Variants in VPS33B observed in about 807,000 individuals in gnomAD.
VPS33B encodes vacuolar protein sorting-associated protein 33B.
VPS33B carries 80 observed loss-of-function variants against 95.3 expected under a neutral mutation model. That is an observed-to-expected ratio of 0.84 (90% confidence interval 0.70 to 1.01). The LOEUF (loss-of-function observed/expected upper bound fraction) is 1.01, where lower values mean the gene tolerates loss of function less well. Ranked by LOEUF, VPS33B falls within the 50% of genes least tolerant of loss-of-function variation. The pLI, the probability that VPS33B is intolerant of heterozygous loss-of-function variation, is 0.00. For missense variants in VPS33B, 715 were observed against 773.4 expected (o/e 0.92, Z 0.90); for synonymous variants, 280 against 280.4 (o/e 1.00, Z 0.01).
In VPS33B at chr15:91,003,103, C is replaced by T; in HGVS notation, c.1254G>A (p.Leu418=). ...NGLIPKDYRS[L]KTQYLQSYGP... is the part of the protein sequence containing the mutation. ...GCCTTACCTGCAGATACTGTGTTTTCAGAGATCGGTAATCCTTGGGGATCA... is the reference window on the plus strand; with the variant it reads ...GCCTTACCTGCAGATACTGTGTTTTTAGAGATCGGTAATCCTTGGGGATCA... The change falls in exon 17 of 23, where the codon CTG becomes CTA. Residue 418 remains leucine (L), a synonymous_variant. Coordinates refer to ENST00000333371, the MANE Select transcript of VPS33B (RefSeq NM_018668.5). 2 of 1,614,136 alleles carry T rather than the reference C, an allele frequency of 1.2e-6. No homozygotes were observed. The highest frequency in any genetic ancestry group is 1.7e-6 in the Non-Finnish European group (2 of 1,180,022).
At position 90,998,987 on chromosome 15, in the gene VPS33B, C is replaced by T; in HGVS notation, c.1842G>A (p.Glu614=). The change falls in exon 23 of 23, where the codon GAG becomes GAA. Residue 614 remains glutamate, a synonymous_variant. Transcript: ENST00000333371. This position sits in a 1 kb window ranked among gnomAD's most constrained non-coding sequence, Gnocchi z 4.8. ...GCCGGGAAAAACATCAGGCTTTCAC[C>T]TCACTCATGGCCTCCATAAGGCGAG... The part of the protein sequence containing the change: ...NSARLMEAMS[E]VKA 1 of 1,614,128 alleles carries T rather than the reference C, an allele frequency of 6.2e-7. No homozygotes were observed. The highest frequency in any genetic ancestry group is 1.1e-5 in the South Asian group (1 of 91,054).
At position 91,015,885 on chromosome 15, in the gene VPS33B, AT is replaced by A. The variant is rs888411926; in HGVS notation, c.239+1077del. ...TAAATATAAGAAAGTAATAGAAAAT[AT>A]TTTTTTTCAAACTGGGGTACATGGA... On this transcript the variant is annotated intron_variant, in intron 3 of 22. Transcript: ENST00000333371. This position sits in a 1 kb window ranked among gnomAD's most constrained non-coding sequence, Gnocchi z 4.7. Among the ~76,000 whole-genome samples, 5 of 151,782 alleles carry A rather than the reference AT, an allele frequency of 3.3e-5. No individual in the cohort carries two copies. Among genetic ancestry groups the A allele is most frequent in the Non-Finnish European group, 7.4e-5 (5 of 67,974 alleles).
chr15:91,017,416 A>G (rs2040972360), intron 2 of VPS33B, among the ~76,000 whole-genome samples: 1 of 108,260 alleles, frequency 9.2e-6, no homozygotes, highest in Non-Finnish European at 1.9e-5. Context: ...ATATATATAT[A>G]TATATATTCT....
In VPS33B at chr15:91,007,720, A is replaced by G. The variant is rs576631845; in HGVS notation, c.499-147T>C. On this transcript the variant is annotated intron_variant, in intron 7 of 22. Transcript: ENST00000333371. The surrounding 1 kb of genome is among the most constrained non-coding windows in gnomAD (Gnocchi z 5.3). ...ATTGGCTCCACAGGAAGTCCCACAG[A>G]GACCAATCTGTAGCACTCAATCACC... 48 of 1,172,194 alleles carry G rather than the reference A, an allele frequency of 4.1e-5. No individual in the cohort carries two copies. The African/African-American group carries it at 6.0e-4, about 15-fold the overall frequency. 72.6% of individuals were successfully genotyped at this position (1,172,194 alleles called of 1,614,324 possible).
chr15:91,000,643 C>T lies in VPS33B; in HGVS notation c.1480-52G>A, dbSNP rs1471137238. Reference sequence around the variant, plus strand: ...CAAGTGACAGCTCAGCTCCCTAACCCTTTAAAGGGTCAGATAAAGTGGCAT... The same window carrying T: ...CAAGTGACAGCTCAGCTCCCTAACCTTTTAAAGGGTCAGATAAAGTGGCAT... On this transcript the variant is annotated intron_variant, in intron 19 of 22. Transcript: ENST00000333371. The surrounding 1 kb of genome is among the most constrained non-coding windows in gnomAD (Gnocchi z 4.9). 5.2e-6 allele frequency: 8 copies of T among 1,532,964 alleles called. No homozygotes were observed. Among genetic ancestry groups the T allele is most frequent in the Non-Finnish European group, 7.2e-6 (8 of 1,113,688 alleles). 95.0% of individuals were successfully genotyped at this position (1,532,964 alleles called of 1,614,324 possible).
downstream of VPS33B, chr15:90,998,535 G>C (rs550397888): frequency 3.6e-6 from 1 of 274,708 alleles, no homozygotes; most frequent in African/African-American, 2.2e-5. The surrounding 1 kb of genome is among the most constrained non-coding windows in gnomAD (Gnocchi z 4.8). Flanking sequence ...GTGGTAGAGT[G>C]ATTTTTACAG....
chr15:90,998,871 G>C lies in VPS33B; in HGVS notation c.*104C>G, dbSNP rs2040347583. 3.3e-6 allele frequency: 4 copies of C among 1,213,600 alleles called. No individual in the cohort carries two copies. The highest frequency in any genetic ancestry group is 4.8e-6 in the Non-Finnish European group (4 of 831,392). The allele number at this position is 1,213,600 out of a possible 1,614,324, so 75.2% of individuals were successfully genotyped here. A position where few individuals can be genotyped will look rare whatever the true frequency, so the allele number is the denominator to read the frequency against. The stretch of plus-strand genomic sequence containing the variant: ...ACACGTTCCATGCTCCCGGCTCTTA[G>C]CAGGTAGTTGGTGGACACTTGGTTA... On this transcript the variant is annotated 3_prime_UTR_variant, in exon 23 of 23. Coordinates refer to ENST00000333371, the MANE Select transcript of VPS33B (RefSeq NM_018668.5). This position sits in a 1 kb window ranked among gnomAD's most constrained non-coding sequence, Gnocchi z 4.8.
intron 2 of VPS33B, among the ~76,000 whole-genome samples, chr15:91,017,364 T>TTAAA (rs2040959799): frequency 2.4e-4 from 2 of 8,338 alleles, no homozygotes; most frequent in Non-Finnish European, 3.1e-4. Flanking sequence ...CTCTACAAAA[T>TTAAA]TAAATATATA....
In VPS33B at chr15:91,017,862, G is replaced by T; in HGVS notation, c.120C>A (p.Phe40Leu). ...AAGGGCTCATGAGATCTGCCTCAATGAATAAATCCTTTTTTCCAGGAAGCT... is the reference window on the plus strand; with the variant it reads ...AAGGGCTCATGAGATCTGCCTCAATTAATAAATCCTTTTTTCCAGGAAGCT... ...LEQLPGKKDL[F>L]IEADLMSPLD... The change falls in exon 2 of 23, where the codon TTC becomes TTA. Residue 40 changes from phenylalanine (F) to leucine (L), a missense_variant. Coordinates refer to ENST00000333371, the MANE Select transcript of VPS33B (RefSeq NM_018668.5). The T allele has an allele frequency of 6.2e-7, 1 of 1,614,110 alleles. No homozygotes were observed. Among genetic ancestry groups the T allele is most frequent in the Non-Finnish European group, 8.5e-7 (1 of 1,179,992 alleles).
chr15:91,009,223 A>G lies in VPS33B; in HGVS notation c.403+578T>C, dbSNP rs532056332. ...GGTGTTCCTTTCATACTACCCCAGG[A>G]GTGTTCTTTTCTTATCCTTTCTTTT... On this transcript the variant is annotated intron_variant, in intron 6 of 22. Transcript: ENST00000333371. This position sits in a 1 kb window ranked among gnomAD's most constrained non-coding sequence, Gnocchi z 4.1. 2.2e-4 allele frequency among the ~76,000 whole-genome samples: 34 copies of G among 151,862 alleles called. No homozygotes were observed. Among genetic ancestry groups the G allele is most frequent in the African/African-American group, 7.2e-4 (30 of 41,422 alleles).
rs114266350 is a variant in VPS33B, at chr15:91,014,813, A to G, written c.240-380T>C. Among the ~76,000 whole-genome samples the G allele has an allele frequency of 3.8e-3, 583 of 152,388 alleles. 2 individuals are homozygous for G. The highest frequency in any genetic ancestry group is 0.013 in the African/African-American group (553 of 41,596). On this transcript the variant is annotated intron_variant, in intron 3 of 22. Transcript: ENST00000333371. ...TGTCAGTTAAAAATAAAGGCTGGGC[A>G]TGGTGGCTCACACCTGTAATCTTAA...
At chr15:91,020,578 A>G (rs1412230754) in intron 1 of VPS33B, among the ~76,000 whole-genome samples, 1 of 152,134 alleles carries the variant, frequency 6.6e-6, no homozygotes, top group African/African-American at 2.4e-5. Context: ...CTGTGCAAGC[A>G]CTAAGTATTA....
Position 91,004,889 on chromosome 15 carries a change from T to C in VPS33B, c.1213A>G (p.Ile405Val), listed in dbSNP as rs1245923392. 3 of 1,614,226 alleles carry C rather than the reference T, an allele frequency of 1.9e-6. No individual in the cohort carries two copies. The highest frequency in any genetic ancestry group is 3.3e-5 in the Admixed American group (2 of 60,032). The part of the protein sequence containing the change: ...ESLRLMCLLS[I>V]TENGLIPKDY... ...CTTTTGGGCTCACCATTCTCAGTGA[T>C]GGACAAAAGGCACATGAGGCGCAGG... The change falls in exon 16 of 23, where the codon ATC (isoleucine) becomes GTC (valine). Residue 405 changes from isoleucine (I) to valine (V), a missense_variant. Transcript: ENST00000333371.
In VPS33B at chr15:91,006,995, T is replaced by C. The variant is rs2040628134; in HGVS notation, c.655A>G (p.Lys219Glu). Residue 219 changes from lysine (K) to glutamate (E), a missense_variant, in exon 9 of 23, where the codon AAG becomes GAG. Lys to Glu is a moderately conservative substitution (Grantham distance 56). Coordinates refer to ENST00000333371, the MANE Select transcript of VPS33B (RefSeq NM_018668.5). This position sits in a 1 kb window ranked among gnomAD's most constrained non-coding sequence, Gnocchi z 5.4. ...TGTCCAATCTCTGGCCTTCGGCCCT[T>C]GGTTTCGCCATCCTCCTCCTCCTCC... ...NLEEEEDGET[K>E]GRRPEIGHIF... 1 of 1,614,038 alleles carries C rather than the reference T, an allele frequency of 6.2e-7. No homozygotes were observed. The highest frequency in any genetic ancestry group is 1.3e-5 in the African/African-American group (1 of 75,070).
chr15:90,999,157 AC>A lies in VPS33B; in HGVS notation c.1775-104del. 1 of 1,049,542 alleles carries A rather than the reference AC, an allele frequency of 9.5e-7. No individual in the cohort carries two copies. The highest frequency in any genetic ancestry group is 1.5e-6 in the Non-Finnish European group (1 of 686,128). The allele number at this position is 1,049,542 out of a possible 1,614,324, so 65.0% of individuals were successfully genotyped here. On this transcript the variant is annotated intron_variant, in intron 22 of 22. Coordinates refer to ENST00000333371, the MANE Select transcript of VPS33B (RefSeq NM_018668.5). This position sits in a 1 kb window ranked among gnomAD's most constrained non-coding sequence, Gnocchi z 5.1. ...TCCACAGTCCCCACGGGATCACAGCACCAGTTTATAGACAGAGACGTGAGTG... is the reference window on the plus strand; with the variant it reads ...TCCACAGTCCCCACGGGATCACAGCACAGTTTATAGACAGAGACGTGAGTG...
At chr15:91,001,985 A>G (rs927162582) in intron 18 of VPS33B, 65 bp downstream of exon 18, 2 of 1,611,256 alleles carry the variant, frequency 1.2e-6, no homozygotes, top group South Asian at 1.1e-5. Flanking sequence ...CCCTCCCAGC[A>G]TGCTGCGTGT....
Position 91,005,576 on chromosome 15 carries a change from A to G in VPS33B, c.1030+118T>C. On this transcript the variant is annotated intron_variant, in intron 13 of 22. Coordinates refer to ENST00000333371, the MANE Select transcript of VPS33B (RefSeq NM_018668.5). This position sits in a 1 kb window ranked among gnomAD's most constrained non-coding sequence, Gnocchi z 6.4. ...AAAGCACTTCTTCCCACTTTACACC[A>G]AGTAAGACCATATGCATCAGATGAA... The G allele has an allele frequency of 1.3e-6, 2 of 1,575,634 alleles. No individual in the cohort carries two copies. Among genetic ancestry groups the G allele is most frequent in the Non-Finnish European group, 8.7e-7 (1 of 1,145,158 alleles).
At position 91,011,990 on chromosome 15, in the gene VPS33B, AAAAAC is replaced by A. The variant is rs58230462; in HGVS notation, c.357+1809_357+1813del. On this transcript the variant is annotated intron_variant, in intron 5 of 22. Coordinates refer to ENST00000333371, the MANE Select transcript of VPS33B (RefSeq NM_018668.5). The surrounding 1 kb of genome is among the most constrained non-coding windows in gnomAD (Gnocchi z 5.5). The stretch of plus-strand genomic sequence containing the variant: ...GGTGACAGAGCAATGCACTGTCTCC[AAAAAC>A]AAAACAAAACAAAACAAAACAAAAC... Among the ~76,000 whole-genome samples, 14,755 of 149,294 alleles carry A rather than the reference AAAAAC, an allele frequency of 0.099. 1,232 individuals are homozygous for A. Among genetic ancestry groups the A allele is most frequent in the East Asian group, 0.43 (2,119 of 4,958 alleles).
chr15:91,009,300 CTCTT>C lies in VPS33B; in HGVS notation c.403+497_403+500del, dbSNP rs3837745. ...CTTTTCTTTTATTTTCTTTCTCTCT[CTCTT>C]TCTTTCTTCCTTCCTTCCTTTCTCT... On this transcript the variant is annotated intron_variant, in intron 6 of 22. Coordinates refer to ENST00000333371, the MANE Select transcript of VPS33B (RefSeq NM_018668.5). This position sits in a 1 kb window ranked among gnomAD's most constrained non-coding sequence, Gnocchi z 4.1. Among the ~76,000 whole-genome samples, 5 of 150,546 alleles carry C rather than the reference CTCTT, an allele frequency of 3.3e-5. No homozygotes were observed. The highest frequency in any genetic ancestry group is 2.1e-4 in the South Asian group (1 of 4,758).
Sources: allele counts gnomAD v4.1 joint callset (sites outside exome capture counted in the v4.1 genomes callset), GRCh38; gene constraint gnomAD v4.1.1; non-coding constraint Gnocchi (gnomAD v3.1); transcripts MANE v1.5; gene names NCBI Gene and HGNC (gene_info 2026-07-23, HGNC 2026-07-21).